The following TESPA1 variants were observed in gnomAD, a reference collection of about 807,000 sequenced individuals.
TESPA1 encodes the protein protein TESPA1.
In TESPA1, 33 loss-of-function variants were observed where a neutral mutation model predicts 57.9. That is an observed-to-expected ratio of 0.57 (90% CI 0.43 to 0.76). TESPA1 has a LOEUF of 0.76. TESPA1 is among the 30% of genes least tolerant of loss of function. TESPA1 has a pLI of 0.00. For missense variants in TESPA1, 618 were observed against 632.9 expected, an observed-to-expected ratio of 0.98 and a Z score of 0.25; for synonymous variants, 227 against 228.9, an observed-to-expected ratio of 0.99 and a Z score of 0.07.
intron 3 of TESPA1, among the ~76,000 whole-genome samples, chr12:54,972,273 A>G (rs1951876909): frequency 6.6e-6 from 1 of 152,238 alleles, no homozygotes; most frequent in Admixed American, 6.5e-5. Context: ...ATTTTCAATT[A>G]GAACGAAATA....
chr12:54,967,451 A>G (rs762560027), intron 4 of TESPA1, among the ~76,000 whole-genome samples: 2 of 151,732 alleles, frequency 1.3e-5, no homozygotes, highest in Non-Finnish European at 2.9e-5. Context: ...AAACAATCAT[A>G]CATGCATTCA....
At chr12:54,963,326 C>G in intron 8 of TESPA1, 84 bp from the exon 9 acceptor site, 2 of 1,346,362 alleles carry the variant, frequency 1.5e-6, no homozygotes, top group Non-Finnish European at 2.0e-6. Flanking sequence ...CTCCCCAAAG[C>G]TCAAAATTCA....
intron 3 of TESPA1, among the ~76,000 whole-genome samples, chr12:54,971,978 A>C (rs1951859423): frequency 6.6e-6 from 1 of 152,220 alleles, no homozygotes; most frequent in South Asian, 2.1e-4. Context: ...CATAAAGCAC[A>C]TACACATATA....
intron 1 of TESPA1, among the ~76,000 whole-genome samples, chr12:54,976,797 T>C (rs1408358539): frequency 6.6e-6 from 1 of 152,224 alleles, no homozygotes; most frequent in Non-Finnish European, 1.5e-5. Flanking sequence ...GGTTTCAACG[T>C]CCTCTGTGAT....
chr12:54,966,282 C>T (rs559760559), intron 6 of TESPA1, 106 bp downstream of exon 6: 74 of 1,589,500 alleles, frequency 4.7e-5, no homozygotes, highest in African/African-American at 2.4e-4. Context: ...GAAAGTCTCA[C>T]TCTCTAATGT....
At chr12:54,975,630 T>A (rs2136197307) in intron 1 of TESPA1, among the ~76,000 whole-genome samples, 1 of 151,996 alleles carries the variant, frequency 6.6e-6, no homozygotes, top group East Asian at 1.9e-4. Context: ...TCCCCCTATT[T>A]CCTCGAGCTG....
intron 10 of TESPA1, among the ~76,000 whole-genome samples, chr12:54,953,144 A>G (rs61479160): frequency 0.21 from 31,213 of 152,062 alleles, 5,455 homozygotes; most frequent in East Asian, 0.84. Flanking sequence ...CCATACTTCT[A>G]CCAGAATAAT....
chr12:54,975,432 T>C (rs1952095956), intron 1 of TESPA1, among the ~76,000 whole-genome samples: 1 of 152,154 alleles, frequency 6.6e-6, no homozygotes, highest in Non-Finnish European at 1.5e-5. Context: ...ATGATGGCAC[T>C]AGATACACAT....
chr12:54,974,668 A>T, intron 1 of TESPA1, 61 bp from the exon 2 acceptor site: 2 of 1,263,760 alleles, frequency 1.6e-6, no homozygotes, highest in Non-Finnish European at 1.0e-6. Flanking sequence ...CATGATGCTC[A>T]GGGTTGCCCC....
intron 10 of TESPA1, among the ~76,000 whole-genome samples, chr12:54,960,722 A>T (rs970451399): frequency 6.6e-6 from 1 of 152,172 alleles, no homozygotes; most frequent in Admixed American, 6.5e-5. Context: ...ATCCCAGGGG[A>T]TGCTGATGCT....
chr12:54,959,070 G>A (rs1002562400), intron 10 of TESPA1, among the ~76,000 whole-genome samples: 6 of 152,198 alleles, frequency 3.9e-5, no homozygotes, highest in African/African-American at 7.2e-5. Flanking sequence ...TGGACGCGAT[G>A]TACTGAGTAA....
In TESPA1 at chr12:54,962,475, G is replaced by A. The variant is rs887686132; in HGVS notation, c.1423C>T (p.Arg475Trp). 1.1e-5 allele frequency: 18 copies of A among 1,612,614 alleles called. No individual in the cohort carries two copies. The highest frequency in any genetic ancestry group is 6.7e-5 in the African/African-American group (5 of 74,978). Residue 475 changes from arginine to tryptophan, a missense_variant, in exon 9 of 11, where the codon CGG (arginine) becomes TGG (tryptophan). Physicochemically the swap from Arg to Trp is moderately radical, Grantham distance 101. Transcript: ENST00000449076. Reference sequence around the variant, plus strand: ...TCCTGTGGCTGCTGGCTTAAAGACCGACGCAGTTCTGGTCTGTCTACACTC... The same window carrying A: ...TCCTGTGGCTGCTGGCTTAAAGACCAACGCAGTTCTGGTCTGTCTACACTC... ...KQSVDRPELR[R>W]SLSQQPQDTF... is the part of the protein sequence containing the mutation.
At chr12:54,965,806 T>A (rs1013696892) in intron 7 of TESPA1, among the ~76,000 whole-genome samples, 23 of 152,198 alleles carry the variant, frequency 1.5e-4, no homozygotes, top group African/African-American at 5.3e-4. Context: ...GTACTATACC[T>A]CCTGGGGTAC....
At chr12:54,950,773 A>G (rs1950336341) in intron 10 of TESPA1, among the ~76,000 whole-genome samples, 1 of 152,114 alleles carries the variant, frequency 6.6e-6, no homozygotes, top group African/African-American at 2.4e-5. Flanking sequence ...ATTAATAAGT[A>G]TTTCTCTTGT....
At chr12:54,954,635 C>T (rs1950620697) in intron 10 of TESPA1, among the ~76,000 whole-genome samples, 1 of 152,218 alleles carries the variant, frequency 6.6e-6, no homozygotes, top group Non-Finnish European at 1.5e-5. Flanking sequence ...CCACTTTACA[C>T]AGTCCTTCTG....
intron 1 of TESPA1, among the ~76,000 whole-genome samples, chr12:54,978,933 A>C (rs1354895086): frequency 2.0e-5 from 3 of 152,178 alleles, no homozygotes. Flanking sequence ...AGAACATAGC[A>C]CAGTACTTTG....
rs1441681637 is a variant in TESPA1, at chr12:54,963,752, G to A, written c.645C>T (p.Leu215=). ...VRRIEMEDPC[L]MLASRFKQVQ... The stretch of plus-strand genomic sequence containing the variant: ...GGGAGGGACACTCACTGGCCAGCAT[G>A]AGGCAGGGGTCTTCCATTTCAATCC... Residue 215 remains leucine, a synonymous_variant, in exon 8 of 11, where the codon CTC becomes CTT. Transcript: ENST00000449076. 1 of 1,612,250 alleles carries A rather than the reference G, an allele frequency of 6.2e-7. No homozygotes were observed. The highest frequency in any genetic ancestry group is 1.3e-5 in the African/African-American group (1 of 74,880).
rs971138187 is a variant in TESPA1, at chr12:54,950,252, C to A, written c.*140G>T. The stretch of plus-strand genomic sequence containing the variant: ...CATGTACCATGCTGCCTTTCTCCTG[C>A]AGAGTTTGGGGGTTTGGAGGACCAA... On this transcript the variant is annotated 3_prime_UTR_variant, in exon 11 of 11. Coordinates refer to ENST00000449076, the MANE Select transcript of TESPA1 (RefSeq NM_001136030.3). 1.8e-5 allele frequency: 8 copies of A among 456,624 alleles called. No homozygotes were observed. In the East Asian group the frequency reaches 2.8e-4, roughly 16 times the overall value. 28.3% of individuals were successfully genotyped at this position (456,624 alleles called of 1,614,324 possible). A position where few individuals can be genotyped will look rare whatever the true frequency, so the allele number is the denominator to read the frequency against.
At chr12:54,967,305 C>T (rs1254948393) in intron 4 of TESPA1, 69 bp from the exon 5 acceptor site, 5 of 1,529,548 alleles carry the variant, frequency 3.3e-6, no homozygotes, top group Non-Finnish European at 4.5e-6. Flanking sequence ...ATGCACACCC[C>T]TGCATACACG....
Sources: gnomAD v4.1 joint callset for allele counts (sites outside exome capture counted in the v4.1 genomes callset) on GRCh38, gnomAD v4.1.1 for gene constraint, MANE v1.5 for transcripts, NCBI Gene and HGNC (gene_info 2026-07-23, HGNC 2026-07-21) for gene names.